SI: variants seen among roughly 807,000 people sequenced by gnomAD.
SI encodes the protein sucrase-isomaltase.
Under a neutral mutation model 253.3 loss-of-function variants are expected in SI, and 235 were observed. That is an observed-to-expected ratio of 0.93 (90% CI 0.83 to 1.03). The LOEUF (loss-of-function observed/expected upper bound fraction) is 1.03, where lower values mean the gene tolerates loss of function less well. SI is among the 50% of genes least tolerant of loss of function. The pLI is 0.00. For missense variants in SI, 2,442 were observed against 2,211.1 expected, an observed-to-expected ratio of 1.10 and a Z score of -2.09; for synonymous variants, 819 against 712.0, an observed-to-expected ratio of 1.15 and a Z score of -2.39.
Position 165,065,276 on chromosome 3 carries a change from G to A in SI, c.792C>T (p.Asp264=), listed in dbSNP as rs1324076278. 3 of 1,602,430 alleles carry A rather than the reference G, an allele frequency of 1.9e-6. No individual in the cohort carries two copies. In the Admixed American group the frequency reaches 5.0e-5, roughly 27 times the overall value. ...AATTTCTTACATCACCAGGAAGTTG[G>A]TCTCGAGTAAAAATTGGCCATGTTT... ...SWKTWPIFTR[D]QLPGDNNNNL... is the part of the protein sequence containing the mutation. Residue 264 remains aspartate, a synonymous_variant, in exon 7 of 48, where the codon GAC becomes GAT. Transcript: ENST00000264382.
rs372054011 is a variant in SI at position 164,992,407 on chromosome 3, A to G, written c.4842-10T>C. 6.5e-7 allele frequency: 1 copy of G among 1,539,696 alleles called. No individual in the cohort carries two copies. Among genetic ancestry groups the G allele is most frequent in the Non-Finnish European group, 9.0e-7 (1 of 1,116,704 alleles). The stretch of plus-strand genomic sequence containing the variant: ...TTTTTCATCAAAGAACCTCGACAAA[A>G]TTATCACAAATAATTAAATTAAAAC... On this transcript the variant is annotated splice_polypyrimidine_tract_variant and intron_variant, in intron 41 of 47. Coordinates refer to ENST00000264382, the MANE Select transcript of SI (RefSeq NM_001041.4).
intron 25 of SI, among the ~76,000 whole-genome samples, chr3:165,025,031 G>A (rs1367222869): frequency 6.6e-6 from 1 of 151,018 alleles, no homozygotes; most frequent in Non-Finnish European, 1.5e-5. Context: ...TGGCTTCCAG[G>A]ACCCAGCATG....
intron 47 of SI, among the ~76,000 whole-genome samples, 159 bp downstream of exon 47, chr3:164,982,084 G>A (rs1418084597): frequency 6.6e-6 from 1 of 152,046 alleles, no homozygotes; most frequent in African/African-American, 2.4e-5. Context: ...ACTAAGGATA[G>A]TAATAAGGAA....
chr3:165,033,293 G>A, intron 23 of SI, 102 bp downstream of exon 23: 1 of 960,286 alleles, frequency 1.0e-6, no homozygotes, highest in Non-Finnish European at 1.4e-6. Flanking sequence ...ATTAAAATCT[G>A]TAGGCAAATG....
intron 45 of SI, among the ~76,000 whole-genome samples, chr3:164,985,330 C>A (rs184426186): frequency 3.3e-5 from 5 of 152,190 alleles, no homozygotes; most frequent in African/African-American, 1.2e-4. Flanking sequence ...GGCAAATTTC[C>A]TGCTGGACAC....
chr3:164,994,165 TA>T, intron 41 of SI, 91 bp downstream of exon 41: 1 of 1,192,170 alleles, frequency 8.4e-7, no homozygotes, highest in Non-Finnish European at 1.2e-6. Context: ...ACTGCCAATC[TA>T]AAATATTTTA....
At chr3:165,023,540 A>G in intron 26 of SI, 30 bp downstream of exon 26, 1 of 1,456,318 alleles carries the variant, frequency 6.9e-7, no homozygotes, top group East Asian at 2.3e-5. Context: ...AAGATGAGTT[A>G]AGCTTTGGGG....
intron 32 of SI, 144 bp downstream of exon 32, chr3:165,015,808 T>G: frequency 2.7e-6 from 2 of 752,110 alleles, no homozygotes; most frequent in Non-Finnish European, 4.6e-6. Flanking sequence ...TAAAATGAAG[T>G]GCTAAAGGAA....
chr3:165,025,371 G>C (rs1348513274), intron 25 of SI, among the ~76,000 whole-genome samples: 1 of 151,084 alleles, frequency 6.6e-6, no homozygotes, highest in Non-Finnish European at 1.5e-5. Context: ...CCAAACCTAA[G>C]AATAGCTGGT....
Position 165,062,350 on chromosome 3 carries a change from TAAA to T in SI, c.1020+18_1020+20del. On this transcript the variant is annotated intron_variant, in intron 9 of 47. Coordinates refer to ENST00000264382, the MANE Select transcript of SI (RefSeq NM_001041.4). ...ATAAAAGTATGCAGAAAAAATTTTA[TAAA>T]ATAGACCTGAAACACACCTGTTGAT... 8.0e-7 allele frequency: 1 copy of T among 1,248,638 alleles called. No homozygotes were observed. Among genetic ancestry groups the T allele is most frequent in the Non-Finnish European group, 1.2e-6 (1 of 848,206 alleles). The allele number at this position is 1,248,638 out of a possible 1,614,324, so 77.3% of individuals were successfully genotyped here. A position where few individuals can be genotyped will look rare whatever the true frequency, so the allele number is the denominator to read the frequency against.
In SI at chr3:165,009,448, T is replaced by C. The variant is rs575103810; in HGVS notation, c.4063-53A>G. Reference sequence around the variant, plus strand: ...GTGGAAAGTCTTAAGAGAGATTATATACATATAAATCTGAATGTATTTGAC... The same window carrying C: ...GTGGAAAGTCTTAAGAGAGATTATACACATATAAATCTGAATGTATTTGAC... On this transcript the variant is annotated intron_variant, in intron 34 of 47. Coordinates refer to ENST00000264382, the MANE Select transcript of SI (RefSeq NM_001041.4). 27 of 934,442 alleles carry C rather than the reference T, an allele frequency of 2.9e-5. No individual in the cohort carries two copies. In the South Asian group the frequency reaches 3.4e-4, roughly 12 times the overall value. The allele number at this position is 934,442 out of a possible 1,614,324, so 57.9% of individuals were successfully genotyped here. A position where few individuals can be genotyped will look rare whatever the true frequency, so the allele number is the denominator to read the frequency against.
At chr3:165,009,539 G>A (rs1718675082) in intron 34 of SI, 144 bp from the exon 35 acceptor site, 1 of 643,718 alleles carries the variant, frequency 1.6e-6, no homozygotes, top group Non-Finnish European at 2.9e-6. Flanking sequence ...ACATAAATGT[G>A]TGTGGTTTCT....
the SI span, among the ~76,000 whole-genome samples, chr3:165,089,482 T>C: frequency 6.6e-6 from 1 of 151,904 alleles, no homozygotes; most frequent in East Asian, 1.9e-4. Context: ...CTGCCAAAAG[T>C]GAATAAGGGG....
chr3:165,058,936 A>G (rs1190663391), intron 12 of SI, 27 bp downstream of exon 12: 1 of 1,600,190 alleles, frequency 6.2e-7, no homozygotes, highest in South Asian at 1.1e-5. Flanking sequence ...TTTGAGCAAC[A>G]TAGTTTTAAT....
chr3:164,991,019 G>C (rs1717708379), intron 44 of SI, among the ~76,000 whole-genome samples: 1 of 151,980 alleles, frequency 6.6e-6, no homozygotes, highest in Non-Finnish European at 1.5e-5. Flanking sequence ...GGATAGATTT[G>C]TTTGTAGTCT....
At chr3:165,051,070 T>G (rs1219102881) in intron 13 of SI, among the ~76,000 whole-genome samples, 1 of 152,104 alleles carries the variant, frequency 6.6e-6, no homozygotes, top group Non-Finnish European at 1.5e-5. Context: ...ATCATTTGTA[T>G]TGTAGTCATT....
At position 165,041,277 on chromosome 3, in the gene SI, T is replaced by C. The variant is rs1184471120; in HGVS notation, c.2005-183A>G. 2.6e-5 allele frequency among the ~76,000 whole-genome samples: 4 copies of C among 152,270 alleles called. No homozygotes were observed. In the East Asian group the frequency reaches 7.7e-4, roughly 29 times the overall value. On this transcript the variant is annotated intron_variant, in intron 17 of 47. Coordinates refer to ENST00000264382, the MANE Select transcript of SI (RefSeq NM_001041.4). Reference sequence around the variant, plus strand: ...GAATATTTCTAGGTTTTGTTATATATTTTAATTAAACTTAATTTTGAAGTG... The same window carrying C: ...GAATATTTCTAGGTTTTGTTATATACTTTAATTAAACTTAATTTTGAAGTG...
chr3:165,011,192 G>A (rs1020126077), intron 34 of SI, among the ~76,000 whole-genome samples: 2 of 151,860 alleles, frequency 1.3e-5, no homozygotes, highest in Non-Finnish European at 2.9e-5. Context: ...TTCATTGAGA[G>A]GTAATGTTAT....
intron 47 of SI, 95 bp downstream of exon 47, chr3:164,982,148 C>G (rs1277962991): frequency 1.1e-6 from 1 of 872,410 alleles, no homozygotes. Context: ...ATAATTGACT[C>G]ATAATTATGT....
Sources: allele counts gnomAD v4.1 joint callset (sites outside exome capture counted in the v4.1 genomes callset), GRCh38; gene constraint gnomAD v4.1.1; transcripts MANE v1.5; gene names NCBI Gene and HGNC (gene_info 2026-07-23, HGNC 2026-07-21).